SPPL3: variants seen among roughly 807,000 people sequenced by gnomAD.
The protein encoded by SPPL3 is signal peptide peptidase like 3, also known as signal peptide peptidase-like 3.
Under a neutral mutation model 42.4 loss-of-function variants are expected in SPPL3, and 5 were observed. The ratio of observed to expected loss-of-function variants is 0.12; its 90% CI spans 0.06 to 0.25. The LOEUF (loss-of-function observed/expected upper bound fraction) is 0.25, where lower values mean the gene tolerates loss of function less well. Among genes scored for constraint, SPPL3 ranks in the 10% least tolerant of loss-of-function variants. The pLI is 1.00. For missense variants in SPPL3, 235 were observed against 489.0 expected, an observed-to-expected ratio of 0.48 and a Z score of 4.90; for synonymous variants, 195 against 181.8, an observed-to-expected ratio of 1.07 and a Z score of -0.58.
intron 1 of SPPL3, among the ~76,000 whole-genome samples, chr12:120,826,979 T>C (rs1442160877): frequency 6.6e-6 from 1 of 152,184 alleles, no homozygotes; most frequent in Non-Finnish European, 1.5e-5. Context: ...TATTTTTATT[T>C]GGTAGCTGTA....
chr12:120,904,092 G>C lies in SPPL3; in HGVS notation c.-225C>G, dbSNP rs1334323997. On this transcript the variant is annotated 5_prime_UTR_variant, in exon 1 of 11. Coordinates refer to ENST00000353487, the MANE Select transcript of SPPL3 (RefSeq NM_139015.5). ...CCGGGGCGGGGCGGGCTCCGCTCTC[G>C]GCCTCCCTCACCCGCGGCGGCGGCG... The C allele has an allele frequency of 3.1e-6, 1 of 321,852 alleles. No individual in the cohort carries two copies. The allele number at this position is 321,852 out of a possible 1,614,324, so 19.9% of individuals were successfully genotyped here.
chr12:120,852,770 T>TTCATATAACATATAC (rs1474669819), intron 1 of SPPL3, among the ~76,000 whole-genome samples: 5 of 98,318 alleles, frequency 5.1e-5, no homozygotes, highest in Non-Finnish European at 1.1e-4. Context: ...CTATGTATAT[T>TTCATATAACATATAC]ATATATAAAA....
At chr12:120,802,370 CAT>C (rs1309973218) in intron 2 of SPPL3, among the ~76,000 whole-genome samples, 22 of 132,406 alleles carry the variant, frequency 1.7e-4, no homozygotes, top group African/African-American at 6.8e-4. Context: ...TATATATATA[CAT>C]ATATATGTAT....
chr12:120,810,586 T>C (rs1315225990), intron 2 of SPPL3, among the ~76,000 whole-genome samples: 1 of 152,202 alleles, frequency 6.6e-6, no homozygotes, highest in East Asian at 1.9e-4. Flanking sequence ...TTTAAGCAAT[T>C]AGTTTTTACA....
At chr12:120,765,153 T>C (rs1394110642) in intron 10 of SPPL3, 83 bp from the exon 11 acceptor site, 1 of 1,346,548 alleles carries the variant, frequency 7.4e-7, no homozygotes, top group East Asian at 2.5e-5. Context: ...AAAAAAATTT[T>C]TTTTCCAGGT....
intron 1 of SPPL3, among the ~76,000 whole-genome samples, chr12:120,888,727 C>T (rs1353268631): frequency 2.0e-5 from 3 of 152,138 alleles, no homozygotes; most frequent in South Asian, 2.1e-4. Context: ...ATTGTGGTGA[C>T]GACTGCCCAA....
chr12:120,890,384 T>C (rs961429273), intron 1 of SPPL3, among the ~76,000 whole-genome samples: 6 of 151,350 alleles, frequency 4.0e-5, no homozygotes, highest in African/African-American at 7.3e-5. Context: ...GGTCAAGAGA[T>C]CGAAACCATC....
chr12:120,891,003 G>A (rs1360477911), intron 1 of SPPL3, among the ~76,000 whole-genome samples: 1 of 152,114 alleles, frequency 6.6e-6, no homozygotes, highest in East Asian at 1.9e-4. Context: ...GAGATGTCTT[G>A]GGCCATCTGC....
At chr12:120,793,389 G>A (rs1363566989) in intron 2 of SPPL3, among the ~76,000 whole-genome samples, 1 of 152,222 alleles carries the variant, frequency 6.6e-6, no homozygotes, top group Non-Finnish European at 1.5e-5. Flanking sequence ...TCAGCTACTC[G>A]CCAGGCTGAG....
Position 120,768,321 on chromosome 12 carries a change from T to G in SPPL3, c.773+4A>C, listed in dbSNP as rs762155023. Reference sequence around the variant, plus strand: ...TGTGGTCCTGTCATAGCATGAGGTCTTACCTTGGGAAGACCAGTTTTCCAG... The same window carrying G: ...TGTGGTCCTGTCATAGCATGAGGTCGTACCTTGGGAAGACCAGTTTTCCAG... On this transcript the variant is annotated splice_donor_region_variant and intron_variant, in intron 8 of 10. Transcript: ENST00000353487. 1 of 1,612,426 alleles carries G rather than the reference T, an allele frequency of 6.2e-7. No homozygotes were observed. The highest frequency in any genetic ancestry group is 1.7e-5 in the Admixed American group (1 of 59,884).
intron 1 of SPPL3, among the ~76,000 whole-genome samples, chr12:120,854,021 CACA>C (rs1804921214): frequency 7.0e-6 from 1 of 142,856 alleles, no homozygotes; most frequent in African/African-American, 2.6e-5. Flanking sequence ...CACACACACA[CACA>C]CGGGGAAAAA....
At chr12:120,871,130 C>CAGAAAAAA (rs1555253610) in intron 1 of SPPL3, among the ~76,000 whole-genome samples, 2 of 51,686 alleles carry the variant, frequency 3.9e-5, no homozygotes, top group Non-Finnish European at 7.3e-5. Context: ...ACTCCGTCTC[C>CAGAAAAAA]AAAAAAAAAA....
chr12:120,852,905 A>ATATATT (rs1555252695), intron 1 of SPPL3, among the ~76,000 whole-genome samples: 2 of 112,782 alleles, frequency 1.8e-5, no homozygotes, highest in Admixed American at 1.1e-4. Flanking sequence ...ATATATATAT[A>ATATATT]TTTTTTAAGA....
At chr12:120,834,516 C>A (rs1180417953) in intron 1 of SPPL3, among the ~76,000 whole-genome samples, 2 of 152,120 alleles carry the variant, frequency 1.3e-5, no homozygotes, top group African/African-American at 4.8e-5. Flanking sequence ...AGGTGGGAAG[C>A]AGAGGAGAAC....
At chr12:120,867,085 G>C (rs535415880) in intron 1 of SPPL3, among the ~76,000 whole-genome samples, 1 of 152,058 alleles carries the variant, frequency 6.6e-6, no homozygotes, top group Admixed American at 6.6e-5. Context: ...AATTTCTATT[G>C]CTTTTAACTG....
At chr12:120,823,520 C>T (rs182050513) in intron 1 of SPPL3, among the ~76,000 whole-genome samples, 1 of 152,174 alleles carries the variant, frequency 6.6e-6, no homozygotes, top group African/African-American at 2.4e-5. Flanking sequence ...TTTATCCCAG[C>T]TCCCACGACA....
Position 120,784,601 on chromosome 12 carries a change from A to T in SPPL3, c.191-8T>A, listed in dbSNP as rs201209477. 6.2e-7 allele frequency: 1 copy of T among 1,600,142 alleles called. No homozygotes were observed. The highest frequency in any genetic ancestry group is 8.5e-7 in the Non-Finnish European group (1 of 1,174,958). On this transcript the variant is annotated splice_region_variant and splice_polypyrimidine_tract_variant and intron_variant, in intron 3 of 10. Coordinates refer to ENST00000353487, the MANE Select transcript of SPPL3 (RefSeq NM_139015.5). The stretch of plus-strand genomic sequence containing the variant: ...AGTCAATTGTTTGGATGCCTGAAAG[A>T]GAAAAACAGACAGATTAATAACTTA...
chr12:120,899,044 G>A (rs1446124306), intron 1 of SPPL3, among the ~76,000 whole-genome samples: 1 of 152,134 alleles, frequency 6.6e-6, no homozygotes, highest in African/African-American at 2.4e-5. Flanking sequence ...TAAATATACA[G>A]GAAGAAAGGT....
chr12:120,767,781 G>A (rs1157795200), intron 8 of SPPL3, among the ~76,000 whole-genome samples, 188 bp from the exon 9 acceptor site: 2 of 152,204 alleles, frequency 1.3e-5, no homozygotes, highest in Admixed American at 1.3e-4. Flanking sequence ...TGGCACTAGA[G>A]GTCTCCACCT....
Sources: allele counts gnomAD v4.1 joint callset (sites outside exome capture counted in the v4.1 genomes callset), GRCh38; gene constraint gnomAD v4.1.1; transcripts MANE v1.5; gene names NCBI Gene and HGNC (gene_info 2026-07-23, HGNC 2026-07-21).